Variants in REEP1 observed in about 807,000 individuals in gnomAD.
The protein encoded by REEP1 is receptor accessory protein 1.
REEP1 carries 22 observed loss-of-function variants against 40.3 expected under a neutral mutation model. That is an observed-to-expected ratio of 0.55 (90% CI 0.39 to 0.78). The LOEUF (loss-of-function observed/expected upper bound fraction) is 0.78, where lower values mean the gene tolerates loss of function less well. Among genes scored for constraint, REEP1 ranks in the 30% least tolerant of loss-of-function variants. The pLI, the probability that REEP1 is intolerant of heterozygous loss-of-function variation, is 0.00. For synonymous variants in REEP1, 116 were observed against 139.2 expected (o/e 0.83, Z 1.17); for missense variants, 280 against 361.1 (o/e 0.78, Z 1.82).
chr2:86,236,712 A>G (rs1320993453), intron 5 of REEP1, among the ~76,000 whole-genome samples: 2 of 151,368 alleles, frequency 1.3e-5, no homozygotes, highest in Non-Finnish European at 2.9e-5. Context: ...ACCTACTCCT[A>G]GACTTCTTGA....
chr2:86,260,570 A>G (rs186369317), intron 3 of REEP1, among the ~76,000 whole-genome samples: 268 of 152,342 alleles, frequency 1.8e-3, no homozygotes, highest in Admixed American at 4.3e-3. Flanking sequence ...CCCTTAAAAC[A>G]AAAGCAGAGA....
chr2:86,282,875 T>A (rs376424534), intron 1 of REEP1, among the ~76,000 whole-genome samples: 11 of 152,312 alleles, frequency 7.2e-5, no homozygotes, highest in African/African-American at 2.6e-4. Flanking sequence ...GGTCACTAAA[T>A]GATCTTGTGC....
intron 5 of REEP1, among the ~76,000 whole-genome samples, chr2:86,234,155 G>A (rs563885757): frequency 6.6e-6 from 1 of 151,898 alleles, no homozygotes; most frequent in African/African-American, 2.4e-5. Context: ...TAGGATCAAG[G>A]AGCAGACGCA....
chr2:86,293,962 C>G (rs1003540365), intron 1 of REEP1, among the ~76,000 whole-genome samples: 1 of 152,148 alleles, frequency 6.6e-6, no homozygotes, highest in Non-Finnish European at 1.5e-5. Flanking sequence ...GAAGAAAACG[C>G]TGACACTTGC....
At chr2:86,246,824 T>A (rs941015799) in intron 5 of REEP1, among the ~76,000 whole-genome samples, 9 of 151,724 alleles carry the variant, frequency 5.9e-5, no homozygotes, top group Middle Eastern at 3.2e-3. Context: ...GTCTCAGCCT[T>A]CCGAGTAGCT....
In REEP1 at chr2:86,298,405, C is replaced by G. The variant is rs541499671; in HGVS notation, c.33-16163G>C. 2.6e-5 allele frequency among the ~76,000 whole-genome samples: 4 copies of G among 152,350 alleles called. No homozygotes were observed. The South Asian group carries it at 6.2e-4, about 24-fold the overall frequency. On this transcript the variant is annotated intron_variant, in intron 1 of 8. Coordinates refer to ENST00000538924, the MANE Select transcript of REEP1 (RefSeq NM_001371279.1). ...TCACACCCGCTCCCTGGATCTGTCT[C>G]TTCATTCTTTCATTCAGAAAACATT...
At chr2:86,326,711 TC>T (rs1680526149) in intron 1 of REEP1, among the ~76,000 whole-genome samples, 1 of 103,278 alleles carries the variant, frequency 9.7e-6, no homozygotes, top group African/African-American at 3.6e-5. Context: ...AAACTCCATC[TC>T]AAAAAAAAAA....
intron 1 of REEP1, among the ~76,000 whole-genome samples, chr2:86,316,131 C>T (rs1316310287): frequency 1.3e-5 from 2 of 152,136 alleles, no homozygotes; most frequent in African/African-American, 4.8e-5. Flanking sequence ...CCAGATCAAG[C>T]CTCACTTGAA....
At chr2:86,325,641 G>A (rs1680469506) in intron 1 of REEP1, among the ~76,000 whole-genome samples, 1 of 152,152 alleles carries the variant, frequency 6.6e-6, no homozygotes, top group Non-Finnish European at 1.5e-5. Context: ...CTACAGTAAT[G>A]CAGCCACGAG....
At chr2:86,243,271 T>C (rs1252754328) in intron 5 of REEP1, among the ~76,000 whole-genome samples, 2 of 152,102 alleles carry the variant, frequency 1.3e-5, no homozygotes, top group Non-Finnish European at 2.9e-5. Context: ...GGAGGTGCCA[T>C]GTCACCACAG....
chr2:86,287,212 T>G (rs1574084052), intron 1 of REEP1, among the ~76,000 whole-genome samples: 3 of 152,122 alleles, frequency 2.0e-5, no homozygotes, highest in Non-Finnish European at 4.4e-5. Flanking sequence ...CTCGGCCTCC[T>G]GAGTAGCTGG....
chr2:86,256,995 G>A (rs2104261894), intron 3 of REEP1, among the ~76,000 whole-genome samples: 1 of 152,200 alleles, frequency 6.6e-6, no homozygotes, highest in South Asian at 2.1e-4. Context: ...CCTCACCAAG[G>A]TCTCCTGGCC....
At position 86,315,583 on chromosome 2, in the gene REEP1, G is replaced by A. The variant is rs372184361; in HGVS notation, c.32+21896C>T. Among the ~76,000 whole-genome samples, 3 of 152,358 alleles carry A rather than the reference G, an allele frequency of 2.0e-5. No homozygotes were observed. In the East Asian group the frequency reaches 5.8e-4, roughly 29 times the overall value. ...GACCAGATGATAGAGTGCACCTGCT[G>A]AGTGAATAAAGAACGGCATGGCACA... is the stretch of plus-strand genomic sequence containing the variant. On this transcript the variant is annotated intron_variant, in intron 1 of 8. Transcript: ENST00000538924.
rs943847009 is a variant in REEP1 at position 86,269,038 on chromosome 2, A to C, written c.106-4997T>G. Among the ~76,000 whole-genome samples the C allele has an allele frequency of 2.8e-4, 43 of 152,214 alleles. 1 individual carries two copies. The highest frequency in any genetic ancestry group is 5.9e-4 in the Admixed American group (9 of 15,286). The stretch of plus-strand genomic sequence containing the variant: ...AAGCACAAGACTAAAAAACTTCTAG[A>C]AGACAACATATAAGAAAATCTAAAG... On this transcript the variant is annotated intron_variant, in intron 2 of 8. Transcript: ENST00000538924.
chr2:86,255,808 C>T (rs564891030), intron 3 of REEP1, among the ~76,000 whole-genome samples: 1 of 152,326 alleles, frequency 6.6e-6, no homozygotes, highest in African/African-American at 2.4e-5. Flanking sequence ...AAACTGGCCT[C>T]TTCAACTGGA....
chr2:86,277,437 T>G (rs1207059875), intron 2 of REEP1, among the ~76,000 whole-genome samples: 1 of 151,968 alleles, frequency 6.6e-6, no homozygotes, highest in Non-Finnish European at 1.5e-5. Context: ...ATGCCTGTAA[T>G]TCCTGCTACT....
chr2:86,329,822 G>T (rs1032869485), intron 1 of REEP1, among the ~76,000 whole-genome samples: 2 of 152,180 alleles, frequency 1.3e-5, no homozygotes, highest in Non-Finnish European at 2.9e-5. Context: ...CTGCATATGA[G>T]AAACTATAAG....
intron 1 of REEP1, among the ~76,000 whole-genome samples, chr2:86,320,574 G>A (rs540002014): frequency 2.0e-5 from 3 of 152,202 alleles, no homozygotes; most frequent in South Asian, 4.1e-4. Flanking sequence ...ATCAGACTCC[G>A]AACATAACAT....
intron 3 of REEP1, among the ~76,000 whole-genome samples, chr2:86,260,903 A>C (rs191841032): frequency 6.6e-6 from 1 of 152,310 alleles, no homozygotes; most frequent in Admixed American, 6.5e-5. Flanking sequence ...AAGCTGTTAA[A>C]TTTGTGGTAA....
Sources: allele counts gnomAD v4.1 joint callset (sites outside exome capture counted in the v4.1 genomes callset), GRCh38; gene constraint gnomAD v4.1.1; transcripts MANE v1.5; gene names NCBI Gene and HGNC (gene_info 2026-07-23, HGNC 2026-07-21).